Variants in AZIN2 observed in about 807,000 individuals in gnomAD.
AZIN2 encodes ODC antizyme inhibitor-2.
A neutral mutation model predicts 47.8 loss-of-function variants in AZIN2; 28 were observed. The observed-to-expected ratio is 0.59, with a 90% confidence interval of 0.43 to 0.80. The LOEUF (loss-of-function observed/expected upper bound fraction) is 0.80. Ranked by LOEUF, AZIN2 falls within the 30% of genes least tolerant of loss-of-function variation. The pLI is 0.00. For missense variants in AZIN2, 535 were observed against 582.5 expected (o/e 0.92, Z 0.84); for synonymous variants, 221 against 239.4 (o/e 0.92, Z 0.71).
rs1232971544 is a variant in AZIN2, at chr1:33,081,415, T to C, written c.-378T>C. The C allele has an allele frequency of 6.5e-6, 1 of 152,884 alleles. No homozygotes were observed. The highest frequency in any genetic ancestry group is 2.4e-5 in the African/African-American group (1 of 41,414). The allele number at this position is 152,884 out of a possible 1,614,324, so 9.5% of individuals were successfully genotyped here. On this transcript the variant is annotated 5_prime_UTR_variant, in exon 2 of 12. Coordinates refer to ENST00000294517, the MANE Select transcript of AZIN2 (RefSeq NM_052998.4). The surrounding 1 kb of genome is among the most constrained non-coding windows in gnomAD (Gnocchi z 4.2). ...GAGGCCTCGGCTCCGCAACTGCCAC[T>C]CCTCCTCGGGGTGTTGCACAAGTTT...
chr1:33,096,063 C>T (rs1643118048), intron 8 of AZIN2, among the ~76,000 whole-genome samples: 1 of 152,148 alleles, frequency 6.6e-6, no homozygotes, highest in Admixed American at 6.5e-5. Flanking sequence ...GTCTCGAATT[C>T]CTGACCTCAA....
At chr1:33,111,382 T>C (rs1314714840) in intron 10 of AZIN2, among the ~76,000 whole-genome samples, 25 of 152,210 alleles carry the variant, frequency 1.6e-4, no homozygotes, top group Admixed American at 1.6e-3. Flanking sequence ...TGATCAAGAA[T>C]AGATGGTACA....
chr1:33,163,904 C>G, the AZIN2 span: 1 of 152,934 alleles, frequency 6.5e-6, no homozygotes, highest in African/African-American at 2.4e-5. Flanking sequence ...CCCCACAGGA[C>G]CCCCCAGAGG....
Position 33,118,063 on chromosome 1 carries a change from C to CT in AZIN2, c.1195dup (p.Trp399LeufsTer32), listed in dbSNP as rs750109718. On this transcript the variant is annotated frameshift_variant, in exon 11 of 12. Transcript: ENST00000294517. LOFTEE classifies it high-confidence loss of function. Reference sequence around the variant, plus strand: ...CCTACACTGTGGGCATGGGTTCCCCCTTTTGGGGGACCCAGGCCTGCCACA... The same window carrying CT: ...CCTACACTGTGGGCATGGGTTCCCCCTTTTTGGGGGACCCAGGCCTGCCACA... The CT allele has an allele frequency of 2.0e-6, 3 of 1,526,910 alleles. No individual in the cohort carries two copies. 94.6% of individuals were successfully genotyped at this position (1,526,910 alleles called of 1,614,324 possible). A position where few individuals can be genotyped will look rare whatever the true frequency, so the allele number is the denominator to read the frequency against.
intron 10 of AZIN2, among the ~76,000 whole-genome samples, chr1:33,112,272 T>G (rs1027366929): frequency 1.3e-5 from 2 of 152,140 alleles, no homozygotes; most frequent in Non-Finnish European, 2.9e-5. Context: ...AGGCCTATAT[T>G]GTAAAGAAAC....
rs72884370 is a variant in AZIN2 at position 33,118,328 on chromosome 1, G to A, written c.1244+212G>A. On this transcript the variant is annotated intron_variant, in intron 11 of 11. Coordinates refer to ENST00000294517, the MANE Select transcript of AZIN2 (RefSeq NM_052998.4). Reference sequence around the variant, plus strand: ...AGCTCACAGCCCTGAGGGAGGCACAGAGAAGCAGACAGGCCCTTGTGATAA... The same window carrying A: ...AGCTCACAGCCCTGAGGGAGGCACAAAGAAGCAGACAGGCCCTTGTGATAA... 2.5e-3 allele frequency: 1,251 copies of A among 499,590 alleles called. 12 individuals carry two copies. The highest frequency in any genetic ancestry group is 0.023 in the African/African-American group (1,136 of 50,058). The allele number at this position is 499,590 out of a possible 1,614,324, so 30.9% of individuals were successfully genotyped here.
chr1:33,125,357 G>T (rs547511568), downstream of AZIN2, among the ~76,000 whole-genome samples: 1 of 152,150 alleles, frequency 6.6e-6, no homozygotes, highest in Non-Finnish European at 1.5e-5. Context: ...GTTGATTTCC[G>T]CTGCGATGCC....
At position 33,122,210 on chromosome 1, in the gene AZIN2, A is replaced by G. The variant is rs1365605894; in HGVS notation, c.*2028A>G. On this transcript the variant is annotated 3_prime_UTR_variant, in exon 12 of 12. Transcript: ENST00000294517. ...GGCATCTGCTGTGAAAAGCGCAGGA[A>G]TCCTGGGAAGATCTCATGGCTGGCT... is the stretch of plus-strand genomic sequence containing the variant. Among the ~76,000 whole-genome samples, 1 of 152,180 alleles carries G rather than the reference A, an allele frequency of 6.6e-6. No individual in the cohort carries two copies. Among genetic ancestry groups the G allele is most frequent in the Non-Finnish European group, 1.5e-5 (1 of 68,026 alleles).
chr1:33,166,790 G>A, the AZIN2 span, among the ~76,000 whole-genome samples: 213 of 152,270 alleles, frequency 1.4e-3, 1 homozygote, highest in Admixed American at 3.7e-3. Flanking sequence ...AACACAATCA[G>A]CCTCACTGAT....
At chr1:33,159,641 G>A in the AZIN2 span, 8 of 1,575,360 alleles carry the variant, frequency 5.1e-6, no homozygotes, top group East Asian at 2.3e-5. This position sits in a 1 kb window ranked among gnomAD's most constrained non-coding sequence, Gnocchi z 4.2. Flanking sequence ...AGCATGGGTC[G>A]AGGAGGGGAT....
intron 10 of AZIN2, among the ~76,000 whole-genome samples, chr1:33,115,696 C>G (rs1644508705): frequency 6.6e-6 from 1 of 152,094 alleles, no homozygotes; most frequent in Non-Finnish European, 1.5e-5. Context: ...GAGTGAGACT[C>G]TGTCTCAAAA....
At chr1:33,095,298 T>A (rs566995776) in intron 8 of AZIN2, among the ~76,000 whole-genome samples, 1 of 152,362 alleles carries the variant, frequency 6.6e-6, no homozygotes, top group South Asian at 2.1e-4. Flanking sequence ...CAAAGATGAC[T>A]GTTCTAGCTT....
chr1:33,148,781 A>T, the AZIN2 span, among the ~76,000 whole-genome samples: 338 of 152,336 alleles, frequency 2.2e-3, 2 homozygotes, highest in African/African-American at 7.8e-3. Flanking sequence ...TATGAAAAGT[A>T]GACAATGGGT....
At chr1:33,119,877 C>G (rs1380726661) in intron 11 of AZIN2, 167 bp from the exon 12 acceptor site, 2 of 806,892 alleles carry the variant, frequency 2.5e-6, no homozygotes, top group East Asian at 2.7e-5. Context: ...GGGGACCACA[C>G]GGGAGTAGGA....
At chr1:33,082,488 G>A (rs1641393738) in intron 4 of AZIN2, 134 bp downstream of exon 4, 6 of 633,530 alleles carry the variant, frequency 9.5e-6, no homozygotes, top group Admixed American at 3.2e-5. Context: ...GCAAGAGAGG[G>A]GCTCAATTTA....
chr1:33,096,643 C>A, intron 8 of AZIN2, 64 bp from the exon 9 acceptor site: 1 of 1,569,364 alleles, frequency 6.4e-7, no homozygotes, highest in South Asian at 1.1e-5. Flanking sequence ...GGAGCTGTAG[C>A]AAGTCTTCAG....
chr1:33,092,802 T>C (rs1184762154), intron 6 of AZIN2, among the ~76,000 whole-genome samples: 1 of 152,096 alleles, frequency 6.6e-6, no homozygotes, highest in Non-Finnish European at 1.5e-5. Context: ...GGGTCAGGGC[T>C]GGACGTTTTG....
At position 33,118,052 on chromosome 1, in the gene AZIN2, ATGGGTTCCCCCTTT is replaced by A; in HGVS notation, c.1185_1198del (p.Ser396AspfsTer30). 1 of 1,538,296 alleles carries A rather than the reference ATGGGTTCCCCCTTT, an allele frequency of 6.5e-7. No individual in the cohort carries two copies. Among genetic ancestry groups the A allele is most frequent in the Non-Finnish European group, 8.7e-7 (1 of 1,146,332 alleles). Reference sequence around the variant, plus strand: ...CAACATGGGCGCCTACACTGTGGGCATGGGTTCCCCCTTTTGGGGGACCCAGGCCTGCCACATCA... The same window carrying A: ...CAACATGGGCGCCTACACTGTGGGCATGGGGGACCCAGGCCTGCCACATCA... On this transcript the variant is annotated frameshift_variant, in exon 11 of 12. Transcript: ENST00000294517. LOFTEE classifies it high-confidence loss of function.
At chr1:33,098,950 G>A (rs1643432351) in intron 10 of AZIN2, among the ~76,000 whole-genome samples, 1 of 151,908 alleles carries the variant, frequency 6.6e-6, no homozygotes, top group Admixed American at 6.6e-5. Context: ...TTTTAGTAGA[G>A]GCGGGGTTTC....
Sources: allele counts gnomAD v4.1 joint callset (sites outside exome capture counted in the v4.1 genomes callset), GRCh38; gene constraint gnomAD v4.1.1; non-coding constraint Gnocchi (gnomAD v3.1); transcripts MANE v1.5; gene names NCBI Gene and HGNC (gene_info 2026-07-23, HGNC 2026-07-21).